Variants in ERBB4 observed in about 807,000 individuals in gnomAD.
The protein encoded by ERBB4 is erb-b2 receptor tyrosine kinase 4, also known as receptor tyrosine-protein kinase erbB-4.
Under a neutral mutation model 158.0 loss-of-function variants are expected in ERBB4, and 42 were observed. That is an observed-to-expected ratio of 0.27 (90% CI 0.21 to 0.34). ERBB4 has a LOEUF of 0.34. ERBB4 is among the 10% of genes least tolerant of loss of function. The pLI is 1.00. For missense variants in ERBB4, 1,333 were observed against 1,624.1 expected (o/e 0.82, Z 3.08); for synonymous variants, 583 against 558.7 (o/e 1.04, Z -0.61).
At chr2:212,417,745 T>A (rs2091690520) in intron 1 of ERBB4, among the ~76,000 whole-genome samples, 1 of 152,038 alleles carries the variant, frequency 6.6e-6, no homozygotes, top group South Asian at 2.1e-4. Context: ...TTAGTACCTA[T>A]GTACTATAAC....
chr2:211,415,607 A>T (rs1422451134), intron 25 of ERBB4, among the ~76,000 whole-genome samples: 1 of 151,130 alleles, frequency 6.6e-6, no homozygotes, highest in East Asian at 1.9e-4. Flanking sequence ...CTCATGGTTA[A>T]TTACAGTGTG....
At chr2:211,611,030 G>A (rs1040358592) in intron 19 of ERBB4, among the ~76,000 whole-genome samples, 1 of 152,020 alleles carries the variant, frequency 6.6e-6, no homozygotes, top group South Asian at 2.1e-4. Flanking sequence ...AGTATTTAAA[G>A]CTCAAATTTT....
At chr2:211,958,763 CTCTT>C (rs1336174496) in intron 2 of ERBB4, among the ~76,000 whole-genome samples, 6 of 152,070 alleles carry the variant, frequency 3.9e-5, no homozygotes, top group Non-Finnish European at 1.5e-5. Flanking sequence ...GAATAACATT[CTCTT>C]TCTAAGGTTT....
At chr2:211,737,153 T>C (rs186374885) in intron 5 of ERBB4, among the ~76,000 whole-genome samples, 98 of 152,330 alleles carry the variant, frequency 6.4e-4, no homozygotes, top group African/African-American at 2.2e-3. Flanking sequence ...TAACAACCAA[T>C]GTCAACTTTT....
chr2:211,763,039 A>T (rs1379874712), intron 4 of ERBB4, among the ~76,000 whole-genome samples: 1 of 149,412 alleles, frequency 6.7e-6, no homozygotes, highest in African/African-American at 2.5e-5. Context: ...ACATCTAGGG[A>T]TTGTGTGTGT....
At chr2:211,475,193 A>C (rs2064924282) in intron 20 of ERBB4, among the ~76,000 whole-genome samples, 1 of 152,126 alleles carries the variant, frequency 6.6e-6, no homozygotes, top group Admixed American at 6.6e-5. Context: ...GATAATATAA[A>C]TGTTGTAGTT....
At chr2:211,796,232 A>G (rs2076379373) in intron 3 of ERBB4, among the ~76,000 whole-genome samples, 1 of 151,812 alleles carries the variant, frequency 6.6e-6, no homozygotes, top group Non-Finnish European at 1.5e-5. Flanking sequence ...TTTGTATTTT[A>G]CGTATATAGA....
At chr2:212,145,173 A>C (rs887014505) in intron 1 of ERBB4, among the ~76,000 whole-genome samples, 4 of 151,232 alleles carry the variant, frequency 2.6e-5, no homozygotes, top group Admixed American at 1.3e-4. Flanking sequence ...AGTTAAAACA[A>C]AAAAAATCCA....
At chr2:212,298,530 A>C (rs1047095977) in intron 1 of ERBB4, among the ~76,000 whole-genome samples, 5 of 151,678 alleles carry the variant, frequency 3.3e-5, no homozygotes, top group African/African-American at 4.8e-5. Context: ...AAGTCTGCAG[A>C]GTCCTTTCAA....
chr2:211,404,599 CT>C (rs200398783), intron 25 of ERBB4, among the ~76,000 whole-genome samples: 3 of 151,662 alleles, frequency 2.0e-5, no homozygotes, highest in African/African-American at 7.3e-5. Flanking sequence ...TGTTAAAACA[CT>C]TTTTTTTAAC....
At chr2:212,373,986 CCATATATATCCAT>C (rs2090216182) in intron 1 of ERBB4, among the ~76,000 whole-genome samples, 1 of 109,622 alleles carries the variant, frequency 9.1e-6, no homozygotes, top group African/African-American at 3.3e-5. Context: ...ATATATATAT[CCATATATATCCAT>C]ATATATATAT....
intron 1 of ERBB4, among the ~76,000 whole-genome samples, chr2:212,504,667 T>C (rs574175846): frequency 3.3e-5 from 5 of 152,146 alleles, no homozygotes; most frequent in Non-Finnish European, 7.4e-5. Flanking sequence ...CCATAACGTA[T>C]AGAATGGAAT....
At chr2:211,689,007 T>A (rs1382377641) in intron 12 of ERBB4, among the ~76,000 whole-genome samples, 2 of 147,234 alleles carry the variant, frequency 1.4e-5, no homozygotes, top group Non-Finnish European at 2.9e-5. Flanking sequence ...CATTTTATCT[T>A]CTTATCATAT....
At chr2:212,505,879 G>C (rs1691169413) in intron 1 of ERBB4, among the ~76,000 whole-genome samples, 1 of 148,800 alleles carries the variant, frequency 6.7e-6, no homozygotes, top group Non-Finnish European at 1.5e-5. Flanking sequence ...GAGGTATATA[G>C]GGTAAAATAA....
chr2:212,522,414 C>G (rs1007115424), intron 1 of ERBB4, among the ~76,000 whole-genome samples: 1 of 151,738 alleles, frequency 6.6e-6, no homozygotes, highest in African/African-American at 2.4e-5. Flanking sequence ...ATAGGAAAAG[C>G]ACATTAAATT....
intron 1 of ERBB4, among the ~76,000 whole-genome samples, chr2:212,322,007 A>G (rs2087589187): frequency 6.6e-6 from 1 of 150,492 alleles, no homozygotes; most frequent in African/African-American, 2.4e-5. Context: ...TGTTGGTACA[A>G]TGCAAGTTTA....
rs1361716838 is a variant in ERBB4 at position 211,623,856 on chromosome 2, T to C, written c.2202+66A>G. 10 of 1,490,894 alleles carry C rather than the reference T, an allele frequency of 6.7e-6. No individual in the cohort carries two copies. The East Asian group carries it at 1.4e-4, about 20-fold the overall frequency. The allele number at this position is 1,490,894 out of a possible 1,614,324, so 92.4% of individuals were successfully genotyped here. ...TAGGTTGTCTAAAGTAATAACTCCA[T>C]TGGCTATTATTTTCTAAACATCTAA... On this transcript the variant is annotated intron_variant, in intron 18 of 27. Coordinates refer to ENST00000342788, the MANE Select transcript of ERBB4 (RefSeq NM_005235.3).
At chr2:211,633,603 A>C (rs1313468759) in intron 16 of ERBB4, among the ~76,000 whole-genome samples, 1 of 146,368 alleles carries the variant, frequency 6.8e-6, no homozygotes, top group Non-Finnish European at 1.5e-5. Context: ...TTTTTATATA[A>C]GTTGTGTGTT....
At chr2:211,414,085 C>A (rs1192888486) in intron 25 of ERBB4, among the ~76,000 whole-genome samples, 1 of 152,076 alleles carries the variant, frequency 6.6e-6, no homozygotes, top group Admixed American at 6.6e-5. Context: ...CTTGTGGGGG[C>A]GAGTTGGAGA....
Sources: gnomAD v4.1 joint callset for allele counts (sites outside exome capture counted in the v4.1 genomes callset) on GRCh38, gnomAD v4.1.1 for gene constraint, MANE v1.5 for transcripts, NCBI Gene and HGNC (gene_info 2026-07-23, HGNC 2026-07-21) for gene names.